Variants in CFAP299 observed in about 807,000 individuals in gnomAD.
CFAP299 encodes cilia- and flagella-associated protein 299.
In CFAP299, 21 loss-of-function variants were observed where a neutral mutation model predicts 27.0. The observed-to-expected ratio is 0.78, with a 90% confidence interval of 0.55 to 1.12. The LOEUF is 1.12. Ranked by LOEUF, CFAP299 falls within the 50% of genes most tolerant of loss-of-function variation. The pLI, the probability that CFAP299 is intolerant of heterozygous loss-of-function variation, is 0.00. For missense variants in CFAP299, 310 were observed against 276.6 expected, an observed-to-expected ratio of 1.12 and a Z score of -0.86; for synonymous variants, 104 against 98.1, an observed-to-expected ratio of 1.06 and a Z score of -0.36.
intron 3 of CFAP299, among the ~76,000 whole-genome samples, chr4:80,726,350 T>A (rs1418889335): frequency 1.3e-5 from 2 of 152,156 alleles, no homozygotes; most frequent in Non-Finnish European, 2.9e-5. Flanking sequence ...TTGCCTTTTT[T>A]AAAAAATTGC....
chr4:80,451,299 A>C (rs1728893697), intron 2 of CFAP299, among the ~76,000 whole-genome samples: 1 of 152,170 alleles, frequency 6.6e-6, no homozygotes, highest in African/African-American at 2.4e-5. Context: ...TGAGAATACC[A>C]GTCAGAGTGG....
chr4:80,894,310 A>C (rs960087529), intron 4 of CFAP299, among the ~76,000 whole-genome samples: 1 of 152,016 alleles, frequency 6.6e-6, no homozygotes, highest in African/African-American at 2.4e-5. Flanking sequence ...AGATGTTGTG[A>C]ATTATTTATA....
chr4:80,912,761 A>G (rs974854358), intron 4 of CFAP299, among the ~76,000 whole-genome samples: 18 of 152,276 alleles, frequency 1.2e-4, no homozygotes, highest in African/African-American at 4.3e-4. Flanking sequence ...ATCCCATAAA[A>G]GAAATACTGT....
chr4:80,540,113 G>A lies in CFAP299; in HGVS notation c.243-42980G>A, dbSNP rs78500522. Among the ~76,000 whole-genome samples the A allele has an allele frequency of 6.7e-3, 1,018 of 152,338 alleles. 14 individuals carry two copies. Among genetic ancestry groups the A allele is most frequent in the Non-Finnish European group, 6.3e-3 (426 of 68,028 alleles). ...TATAGCTGAGCATTTTCTAAATGCT[G>A]TCGCTTGTGAGTCTAGCTTTCTGGC... On this transcript the variant is annotated intron_variant, in intron 2 of 5. Coordinates refer to ENST00000358105, the MANE Select transcript of CFAP299 (RefSeq NM_152770.3).
intron 3 of CFAP299, among the ~76,000 whole-genome samples, chr4:80,765,384 T>G (rs1276296136): frequency 6.6e-6 from 1 of 151,922 alleles, no homozygotes; most frequent in Non-Finnish European, 1.5e-5. Context: ...AAAAAGTAAT[T>G]CCACATCCAG....
At chr4:80,595,471 C>T (rs1026315384) in intron 3 of CFAP299, among the ~76,000 whole-genome samples, 1 of 152,164 alleles carries the variant, frequency 6.6e-6, no homozygotes, top group African/African-American at 2.4e-5. Context: ...CCCTTTTATT[C>T]ATGATGTTCA....
chr4:80,819,903 G>A (rs566325391), intron 3 of CFAP299, among the ~76,000 whole-genome samples: 166 of 152,228 alleles, frequency 1.1e-3, no homozygotes, highest in African/African-American at 3.8e-3. Context: ...TAAATGCCCA[G>A]CCAAAGTTCT....
intron 3 of CFAP299, among the ~76,000 whole-genome samples, chr4:80,735,174 T>G (rs1467352531): frequency 6.6e-6 from 1 of 152,142 alleles, no homozygotes; most frequent in Non-Finnish European, 1.5e-5. Context: ...ACTTATTTGG[T>G]TAATTCCTAA....
In CFAP299 at chr4:80,666,786, C is replaced by T. The variant is rs146809428; in HGVS notation, c.333+83603C>T. Among the ~76,000 whole-genome samples, 768 of 152,304 alleles carry T rather than the reference C, an allele frequency of 5.0e-3. 5 individuals are homozygous for T. Among genetic ancestry groups the T allele is most frequent in the Middle Eastern group, 0.02 (6 of 294 alleles). ...ACCAAATAGGGAAAAAAGCAGTAGTCACACTCACTGAATATCATAGCTCCT... is the reference window on the plus strand; with the variant it reads ...ACCAAATAGGGAAAAAAGCAGTAGTTACACTCACTGAATATCATAGCTCCT... On this transcript the variant is annotated intron_variant, in intron 3 of 5. Coordinates refer to ENST00000358105, the MANE Select transcript of CFAP299 (RefSeq NM_152770.3).
chr4:80,423,515 C>A (rs1423708652), intron 2 of CFAP299, among the ~76,000 whole-genome samples: 1 of 152,138 alleles, frequency 6.6e-6, no homozygotes, highest in East Asian at 1.9e-4. Flanking sequence ...CAGCACTGGG[C>A]CAAGGTCTCA....
At position 80,380,036 on chromosome 4, in the gene CFAP299, T is replaced by C. The variant is rs200653850; in HGVS notation, c.242+17152T>C. 2.0e-4 allele frequency among the ~76,000 whole-genome samples: 31 copies of C among 152,322 alleles called. No individual in the cohort carries two copies. In the East Asian group the frequency reaches 5.8e-3, roughly 28 times the overall value. On this transcript the variant is annotated intron_variant, in intron 2 of 5. Transcript: ENST00000358105. Reference sequence around the variant, plus strand: ...CCAACTATAATTATAGGTTTATCTGTATCTTTTAAAATACTATCTTTTTGA... The same window carrying C: ...CCAACTATAATTATAGGTTTATCTGCATCTTTTAAAATACTATCTTTTTGA...
At chr4:80,627,114 T>A (rs1205861070) in intron 3 of CFAP299, among the ~76,000 whole-genome samples, 3 of 151,906 alleles carry the variant, frequency 2.0e-5, no homozygotes, top group Non-Finnish European at 4.4e-5. Context: ...ATTAGCACAC[T>A]GAATTCAATG....
intron 3 of CFAP299, among the ~76,000 whole-genome samples, chr4:80,612,329 C>T (rs947603143): frequency 6.6e-6 from 1 of 151,928 alleles, no homozygotes; most frequent in Non-Finnish European, 1.5e-5. Context: ...CAATTTGTCA[C>T]TAAACTAAAA....
chr4:80,447,090 T>C (rs1157146956), intron 2 of CFAP299, among the ~76,000 whole-genome samples: 2 of 151,808 alleles, frequency 1.3e-5, no homozygotes, highest in South Asian at 2.1e-4. Context: ...ATGGTAGTGT[T>C]TCTTTGTTTT....
intron 3 of CFAP299, among the ~76,000 whole-genome samples, chr4:80,645,521 C>T (rs1223807732): frequency 6.6e-6 from 1 of 152,018 alleles, no homozygotes; most frequent in Non-Finnish European, 1.5e-5. Context: ...GTATCTATGT[C>T]AAGTTATCCA....
At chr4:80,676,181 T>C (rs1023034605) in intron 3 of CFAP299, among the ~76,000 whole-genome samples, 1 of 152,144 alleles carries the variant, frequency 6.6e-6, no homozygotes, top group Non-Finnish European at 1.5e-5. Flanking sequence ...ATGGAATCTT[T>C]TATGGGATTT....
intron 2 of CFAP299, among the ~76,000 whole-genome samples, chr4:80,461,980 C>T (rs1578472088): frequency 6.6e-6 from 1 of 152,034 alleles, no homozygotes; most frequent in African/African-American, 2.4e-5. Context: ...ACTCATTCTC[C>T]TTCTTCTTGA....
At chr4:80,368,824 A>T (rs1400304940) in intron 2 of CFAP299, among the ~76,000 whole-genome samples, 2 of 152,212 alleles carry the variant, frequency 1.3e-5, no homozygotes, top group African/African-American at 2.4e-5. Flanking sequence ...GCTTAGTATC[A>T]TATTTTTAAA....
At position 80,344,379 on chromosome 4, in the gene CFAP299, CAGAAAAT is replaced by C. The variant is rs530060083; in HGVS notation, c.111+8508_111+8514del. Among the ~76,000 whole-genome samples the C allele has an allele frequency of 3.0e-3, 450 of 152,094 alleles. 3 individuals are homozygous for C. Among genetic ancestry groups the C allele is most frequent in the African/African-American group, 0.01 (427 of 41,498 alleles). On this transcript the variant is annotated intron_variant, in intron 1 of 5. Transcript: ENST00000358105. ...ATAATATTATGAACACCTCTTCGTG[CAGAAAAT>C]AGAAAATCTAGAAGAAATGTATAAA... is the stretch of plus-strand genomic sequence containing the variant.
Sources: allele counts gnomAD v4.1 joint callset (sites outside exome capture counted in the v4.1 genomes callset), GRCh38; gene constraint gnomAD v4.1.1; transcripts MANE v1.5; gene names NCBI Gene and HGNC (gene_info 2026-07-23, HGNC 2026-07-21).